Variants in KIDINS220 observed in about 807,000 individuals in gnomAD.
KIDINS220 encodes kinase D-interacting substrate of 220 kDa.
KIDINS220 carries 63 observed loss-of-function variants against 157.6 expected under a neutral mutation model. That is an observed-to-expected ratio of 0.40 (90% CI 0.33 to 0.49). The LOEUF (loss-of-function observed/expected upper bound fraction) is 0.49. Ranked by LOEUF, KIDINS220 falls within the 20% of genes least tolerant of loss-of-function variation. The probability of loss-of-function intolerance (pLI) is 0.66; values close to 1 mark genes in which losing one functional copy is unlikely to be tolerated. For missense variants in KIDINS220, 1,772 were observed against 2,171.2 expected (o/e 0.82, Z 3.65); for synonymous variants, 732 against 783.6 (o/e 0.93, Z 1.10).
chr2:8,812,551 A>C, intron 5 of KIDINS220, 58 bp from the exon 6 acceptor site: 1 of 959,144 alleles, frequency 1.0e-6, no homozygotes, highest in Non-Finnish European at 1.5e-6. Context: ...GGAAAGAAAG[A>C]AAGGAAGGAG....
intron 9 of KIDINS220, among the ~76,000 whole-genome samples, chr2:8,798,534 T>A (rs1293779709): frequency 2.0e-5 from 3 of 152,192 alleles, no homozygotes; most frequent in Admixed American, 6.5e-5. Context: ...GTTAATAAAC[T>A]ACACTTTTGT....
At position 8,747,046 on chromosome 2, in the gene KIDINS220, G is replaced by A. The variant is rs913239981; in HGVS notation, c.3585+99C>T. ...ACTAGCTGCTCATCACACCACAAAC[G>A]CAGAGTTAGTGAGCTGCTATCATCA... On this transcript the variant is annotated intron_variant, in intron 26 of 29. Coordinates refer to ENST00000256707, the MANE Select transcript of KIDINS220 (RefSeq NM_020738.4). 12 of 1,030,922 alleles carry A rather than the reference G, an allele frequency of 1.2e-5. No homozygotes were observed. In the African/African-American group the frequency reaches 1.7e-4, roughly 15 times the overall value. The allele number at this position is 1,030,922 out of a possible 1,614,324, so 63.9% of individuals were successfully genotyped here. A position where few individuals can be genotyped will look rare whatever the true frequency, so the allele number is the denominator to read the frequency against.
At chr2:8,745,571 G>A (rs1440770820) in intron 26 of KIDINS220, among the ~76,000 whole-genome samples, 1 of 152,108 alleles carries the variant, frequency 6.6e-6, no homozygotes, top group Admixed American at 6.5e-5. Flanking sequence ...GGCCAAGACG[G>A]GCAGATCACA....
rs748564095 is a variant in KIDINS220 at position 8,731,470 on chromosome 2, G to T, written c.4566C>A (p.Asp1522Glu). ...SGLRYQKLPS[D>E]EDESGTEESD... ...ATTCTTCTGTGCCAGATTCATCCTC[G>T]TCACTTGGGAGTTTTTGATAGCGCA... Residue 1522 changes from aspartate to glutamate, a missense_variant, in exon 30 of 30, where the codon GAC becomes GAA. Asp to Glu is a conservative substitution (Grantham distance 45). This residue lies in a region of KIDINS220 where 793 missense variants were observed against 885.5 expected (regional missense o/e 0.90). Transcript: ENST00000256707. The surrounding 1 kb of genome is among the most constrained non-coding windows in gnomAD (Gnocchi z 5.2). 6.2e-7 allele frequency: 1 copy of T among 1,614,078 alleles called. No homozygotes were observed. Among genetic ancestry groups the T allele is most frequent in the Non-Finnish European group, 8.5e-7 (1 of 1,180,016 alleles).
At chr2:8,796,629 G>A in intron 11 of KIDINS220, 142 bp downstream of exon 11, 1 of 709,692 alleles carries the variant, frequency 1.4e-6, no homozygotes, top group Non-Finnish European at 2.5e-6. Flanking sequence ...TACTGTGTGG[G>A]ATCCAAAGCC....
At chr2:8,809,379 A>C (rs1188532094) in intron 6 of KIDINS220, among the ~76,000 whole-genome samples, 1 of 152,052 alleles carries the variant, frequency 6.6e-6, no homozygotes, top group East Asian at 1.9e-4. Flanking sequence ...CAGTATCTTG[A>C]ACTATATTGA....
Position 8,776,873 on chromosome 2 carries a change from T to G in KIDINS220, c.2723A>C (p.Gln908Pro). ...LNRRDTYRRR[Q>P]MQRTITRQMS... ...CTGGCGAGTGATGGTCCTCTGCATCTGCCTTCTTCGGTAAGTGTCCTGAAA... is the reference window on the plus strand; with the variant it reads ...CTGGCGAGTGATGGTCCTCTGCATCGGCCTTCTTCGGTAAGTGTCCTGAAA... The change falls in exon 21 of 30, where the codon CAG (glutamine) becomes CCG (proline). Residue 908 changes from glutamine to proline, a missense_variant. This residue lies in a region of KIDINS220 where 725 missense variants were observed against 1,017.1 expected (regional missense o/e 0.71). Coordinates refer to ENST00000256707, the MANE Select transcript of KIDINS220 (RefSeq NM_020738.4). 1 of 1,613,858 alleles carries G rather than the reference T, an allele frequency of 6.2e-7. No individual in the cohort carries two copies. The highest frequency in any genetic ancestry group is 8.5e-7 in the Non-Finnish European group (1 of 1,179,888).
At chr2:8,724,039 C>G (rs565488712), downstream of KIDINS220, 2 of 152,628 alleles carry the variant, frequency 1.3e-5, no homozygotes, top group Non-Finnish European at 2.9e-5. The surrounding 1 kb of genome is among the most constrained non-coding windows in gnomAD (Gnocchi z 4.6). Context: ...GCCTCAGCCT[C>G]CCCAAGTAGC....
rs142823713 is a variant in KIDINS220, at chr2:8,773,751, G to C, written c.2849-2919C>G. Among the ~76,000 whole-genome samples, 1,192 of 152,044 alleles carry C rather than the reference G, an allele frequency of 7.8e-3. 4 individuals carry two copies. The highest frequency in any genetic ancestry group is 0.012 in the Non-Finnish European group (817 of 67,966). ...CCTCCCAAAGTGCTGAGATTAGAGG[G>C]GTGAGCCGGTGCGCCCAGCCAGTGG... On this transcript the variant is annotated intron_variant, in intron 21 of 29. Coordinates refer to ENST00000256707, the MANE Select transcript of KIDINS220 (RefSeq NM_020738.4).
At chr2:8,726,624 G>A (rs1002175152), downstream of KIDINS220, among the ~76,000 whole-genome samples, 7 of 152,198 alleles carry the variant, frequency 4.6e-5, no homozygotes, top group African/African-American at 1.7e-4. Flanking sequence ...CACTTAAACA[G>A]ACCTAGATGG....
intron 22 of KIDINS220, among the ~76,000 whole-genome samples, chr2:8,753,889 C>T (rs1667681573): frequency 6.6e-6 from 1 of 152,150 alleles, no homozygotes; most frequent in South Asian, 2.1e-4. Flanking sequence ...TCTTAATTAA[C>T]TTCAGAAAGT....
intron 8 of KIDINS220, among the ~76,000 whole-genome samples, chr2:8,800,715 G>T (rs750096946): frequency 6.6e-6 from 1 of 151,944 alleles, no homozygotes; most frequent in Non-Finnish European, 1.5e-5. Context: ...CCCAAAATGA[G>T]GACTCTGAAA....
intron 22 of KIDINS220, among the ~76,000 whole-genome samples, chr2:8,766,893 T>C (rs2148139430): frequency 6.6e-6 from 1 of 152,320 alleles, no homozygotes; most frequent in Non-Finnish European, 1.5e-5. Flanking sequence ...ATCTCAATTG[T>C]CCAATTTTCA....
intron 1 of KIDINS220, among the ~76,000 whole-genome samples, chr2:8,827,677 A>C (rs1475627943): frequency 1.3e-5 from 2 of 152,106 alleles, no homozygotes; most frequent in Non-Finnish European, 2.9e-5. Flanking sequence ...GGAAGAGTGG[A>C]TTTTAAATGG....
intron 26 of KIDINS220, among the ~76,000 whole-genome samples, chr2:8,743,414 G>GTAATAA (rs1198671691): frequency 6.6e-6 from 1 of 152,110 alleles, no homozygotes; most frequent in African/African-American, 2.4e-5. Context: ...AGTAGCAGTA[G>GTAATAA]TAATAATAAT....
intron 23 of KIDINS220, among the ~76,000 whole-genome samples, chr2:8,750,717 A>T (rs964078675): frequency 6.6e-6 from 1 of 152,230 alleles, no homozygotes; most frequent in Non-Finnish European, 1.5e-5. Context: ...AATGTTAGCA[A>T]AGACTGTGGG....
chr2:8,766,039 C>T (rs138679597), intron 22 of KIDINS220, among the ~76,000 whole-genome samples: 2 of 152,092 alleles, frequency 1.3e-5, no homozygotes, highest in African/African-American at 2.4e-5. Flanking sequence ...TGCACTGATA[C>T]AGCAAATAGG....
At position 8,747,917 on chromosome 2, in the gene KIDINS220, C is replaced by T. The variant is rs773621493; in HGVS notation, c.3498G>A (p.Thr1166=). 3.7e-6 allele frequency: 6 copies of T among 1,605,714 alleles called. No individual in the cohort carries two copies. The highest frequency in any genetic ancestry group is 1.3e-5 in the African/African-American group (1 of 74,318). The part of the protein sequence containing the change: ...QHLISRPSVK[T]SLPRDQNNGL... Reference sequence around the variant, plus strand: ...CATTGTTCTGATCTCTGGGCAAACTCGTTTTTACTGATGGACGTGAGATGA... The same window carrying T: ...CATTGTTCTGATCTCTGGGCAAACTTGTTTTTACTGATGGACGTGAGATGA... Residue 1166 remains threonine, a synonymous_variant, in exon 25 of 30, where the codon ACG becomes ACA. Coordinates refer to ENST00000256707, the MANE Select transcript of KIDINS220 (RefSeq NM_020738.4).
At chr2:8,757,806 A>G in intron 22 of KIDINS220, 1 of 1,552,066 alleles carries the variant, frequency 6.4e-7, no homozygotes, top group Non-Finnish European at 8.9e-7. Context: ...GAATAATAAC[A>G]TCTTCAGTAT....
Sources: gnomAD v4.1 joint callset for allele counts (sites outside exome capture counted in the v4.1 genomes callset) on GRCh38, gnomAD v4.1.1 for gene constraint, gnomAD v4.1.1 regional missense constraint, Gnocchi (gnomAD v3.1) non-coding constraint, MANE v1.5 for transcripts, NCBI Gene and HGNC (gene_info 2026-07-23, HGNC 2026-07-21) for gene names.